IL1RAPL1: variants seen among roughly 807,000 people sequenced by gnomAD.
IL1RAPL1 encodes interleukin 1 receptor accessory protein like 1.
A neutral mutation model predicts 48.4 loss-of-function variants in IL1RAPL1; 3 were observed. The ratio of observed to expected loss-of-function variants is 0.06; its 90% confidence interval spans 0.03 to 0.16. The LOEUF (loss-of-function observed/expected upper bound fraction) is 0.16. IL1RAPL1 is among the 10% of genes least tolerant of loss of function. IL1RAPL1 has a pLI of 1.00. For synonymous variants in IL1RAPL1, 185 were observed against 187.7 expected, an observed-to-expected ratio of 0.99 and a Z score of 0.12; for missense variants, 349 against 530.6, an observed-to-expected ratio of 0.66 and a Z score of 3.36.
intron 1 of IL1RAPL1, among the ~76,000 whole-genome samples, chrX:28,662,478 A>C (rs1934833831): frequency 9.0e-6 from 1 of 111,624 alleles, no homozygotes; most frequent in Admixed American, 9.5e-5. Context: ...TTGGAGGAAT[A>C]ATTTTACAGA....
intron 4 of IL1RAPL1, among the ~76,000 whole-genome samples, chrX:29,398,119 T>C (rs1264796798): frequency 1.8e-5 from 2 of 112,104 alleles, no homozygotes; most frequent in African/African-American, 6.5e-5. Context: ...ACTTCTATAG[T>C]GGAATACTAT....
Position 28,736,089 on chromosome X carries a change from T to C in IL1RAPL1, c.-24-53231T>C, listed in dbSNP as rs187843697. Among the ~76,000 whole-genome samples, 18 of 111,264 alleles carry C rather than the reference T, an allele frequency of 1.6e-4. No homozygotes were observed. In the East Asian group the frequency reaches 5.1e-3, roughly 32 times the overall value. On this transcript the variant is annotated intron_variant, in intron 1 of 10. Coordinates refer to ENST00000378993, the MANE Select transcript of IL1RAPL1 (RefSeq NM_014271.4). ...TATTTGCTGAATCAAATGACCAAAC[T>C]GGAAAGAAGTGATGGTCAATTAGAA...
intron 2 of IL1RAPL1, among the ~76,000 whole-genome samples, chrX:29,252,248 T>A (rs1421671497): frequency 9.8e-6 from 1 of 102,238 alleles, no homozygotes; most frequent in Non-Finnish European, 2.0e-5. Flanking sequence ...ACATGTACCC[T>A]AAAACTTAAA....
At chrX:28,962,960 A>C (rs1044440595) in intron 2 of IL1RAPL1, among the ~76,000 whole-genome samples, 5 of 109,283 alleles carry the variant, frequency 4.6e-5, no homozygotes, top group African/African-American at 1.7e-4. Flanking sequence ...TCAAGTTTTT[A>C]TACTGCAGCA....
At chrX:29,351,701 G>A (rs1285127416) in intron 3 of IL1RAPL1, among the ~76,000 whole-genome samples, 1 of 111,719 alleles carries the variant, frequency 9.0e-6, no homozygotes, top group East Asian at 2.8e-4. Flanking sequence ...TTCATTCTTT[G>A]CGTAAGCAGC....
intron 2 of IL1RAPL1, among the ~76,000 whole-genome samples, chrX:29,081,130 T>C (rs1927833464): frequency 9.6e-6 from 1 of 103,695 alleles, no homozygotes; most frequent in African/African-American, 3.5e-5. Context: ...CTAGGCTCAC[T>C]GCAACCTCTG....
intron 2 of IL1RAPL1, among the ~76,000 whole-genome samples, chrX:29,044,141 A>G (rs1274515603): frequency 8.9e-6 from 1 of 111,826 alleles, no homozygotes; most frequent in African/African-American, 3.3e-5. Flanking sequence ...CATTTAAAAC[A>G]TATTTATGGG....
chrX:28,693,027 G>T (rs1485357094), intron 1 of IL1RAPL1, among the ~76,000 whole-genome samples: 1 of 112,095 alleles, frequency 8.9e-6, no homozygotes, highest in Non-Finnish European at 1.9e-5. Flanking sequence ...ACCCACTGCT[G>T]TCAATTTTTT....
chrX:28,762,779 C>CGT (rs1569166976), intron 1 of IL1RAPL1, among the ~76,000 whole-genome samples: 2 of 65,651 alleles, frequency 3.0e-5, no homozygotes, highest in African/African-American at 1.7e-4. Context: ...CTAATACGCA[C>CGT]GCGCGCGCAC....
chrX:29,698,171 CTTTT>C (rs757165756), intron 6 of IL1RAPL1, among the ~76,000 whole-genome samples: 2 of 93,880 alleles, frequency 2.1e-5, no homozygotes, highest in African/African-American at 3.8e-5. Context: ...CTGGAATGTT[CTTTT>C]TTTTTTTTTT....
At chrX:29,465,195 A>G (rs1017835518) in intron 5 of IL1RAPL1, among the ~76,000 whole-genome samples, 2 of 111,568 alleles carry the variant, frequency 1.8e-5, no homozygotes, top group Admixed American at 1.9e-4. Flanking sequence ...GATTGAGCTC[A>G]AGAGTTTAAG....
intron 5 of IL1RAPL1, among the ~76,000 whole-genome samples, chrX:29,649,647 ACAT>A (rs1277431314): frequency 8.9e-6 from 1 of 111,866 alleles, no homozygotes; most frequent in Non-Finnish European, 1.9e-5. Flanking sequence ...CCTACAGCTA[ACAT>A]CATGCTGAAT....
intron 6 of IL1RAPL1, among the ~76,000 whole-genome samples, chrX:29,706,105 G>A (rs757065686): frequency 3.6e-5 from 4 of 111,072 alleles, no homozygotes; most frequent in Non-Finnish European, 7.5e-5. Context: ...TAAAACCATC[G>A]GATCTTGTGA....
At chrX:29,356,381 T>C (rs931937995) in intron 3 of IL1RAPL1, among the ~76,000 whole-genome samples, 3 of 108,288 alleles carry the variant, frequency 2.8e-5, no homozygotes, top group African/African-American at 1.0e-4. Context: ...TTGGTTTGTG[T>C]GTGTATCTTT....
chrX:29,139,480 A>G (rs1025525591), intron 2 of IL1RAPL1, among the ~76,000 whole-genome samples: 63 of 111,426 alleles, frequency 5.7e-4, no homozygotes, highest in African/African-American at 1.8e-3. Context: ...GCCTACCTTT[A>G]CCTTAATTTG....
At chrX:29,209,025 G>A (rs752204651) in intron 2 of IL1RAPL1, among the ~76,000 whole-genome samples, 9 of 111,168 alleles carry the variant, frequency 8.1e-5, no homozygotes, top group Non-Finnish European at 1.5e-4. Context: ...AATAGTAGTA[G>A]AGCCTGATTC....
intron 6 of IL1RAPL1, among the ~76,000 whole-genome samples, chrX:29,897,381 CAG>C (rs962657988): frequency 1.2e-4 from 13 of 111,856 alleles, no homozygotes; most frequent in African/African-American, 4.2e-4. Flanking sequence ...AATGATCTCT[CAG>C]AATGTTCTGA....
intron 5 of IL1RAPL1, among the ~76,000 whole-genome samples, chrX:29,413,609 G>GT (rs1218912332): frequency 1.9e-5 from 2 of 106,435 alleles, no homozygotes; most frequent in Middle Eastern, 4.4e-3. Flanking sequence ...GCGGTGTTTG[G>GT]TTTTTTGTCC....
At chrX:29,218,831 G>A (rs1247831647) in intron 2 of IL1RAPL1, among the ~76,000 whole-genome samples, 1 of 111,950 alleles carries the variant, frequency 8.9e-6, no homozygotes, top group Non-Finnish European at 1.9e-5. Context: ...CCTCAATTTA[G>A]CCACGTAAAA....
Sources: gnomAD v4.1 joint callset for allele counts (sites outside exome capture counted in the v4.1 genomes callset) on GRCh38, gnomAD v4.1.1 for gene constraint, MANE v1.5 for transcripts, NCBI Gene and HGNC (gene_info 2026-07-23, HGNC 2026-07-21) for gene names.